Variants in GREB1 observed in about 807,000 individuals in gnomAD.
GREB1 encodes the protein growth regulating estrogen receptor binding 1, also known as protein GREB1.
A neutral mutation model predicts 200.7 loss-of-function variants in GREB1; 106 were observed. That is an observed-to-expected ratio of 0.53 (90% confidence interval 0.45 to 0.62). GREB1 has a LOEUF of 0.62. Ranked by LOEUF, GREB1 falls within the 20% of genes least tolerant of loss-of-function variation. The probability of loss-of-function intolerance (pLI) is 0.00; values close to 1 mark genes in which losing one functional copy is unlikely to be tolerated. For synonymous variants in GREB1, 1,132 were observed against 1,092.4 expected, an observed-to-expected ratio of 1.04 and a Z score of -0.72; for missense variants, 2,243 against 2,556.8, an observed-to-expected ratio of 0.88 and a Z score of 2.65.
At chr2:11,535,575 C>T (rs1047583741) in intron 1 of GREB1, among the ~76,000 whole-genome samples, 4 of 151,898 alleles carry the variant, frequency 2.6e-5, no homozygotes, top group African/African-American at 7.3e-5. Context: ...CACAGGATGA[C>T]ACTTAAAAAA....
upstream of GREB1, among the ~76,000 whole-genome samples, chr2:11,532,368 A>C (rs1051707750): frequency 3.3e-5 from 5 of 152,296 alleles, no homozygotes; most frequent in Middle Eastern, 0.017. Flanking sequence ...AATAAAGAAA[A>C]TCAAGTGTGA....
rs1241361663 is a variant in GREB1, at chr2:11,548,232, A to G, written c.-161-8222A>G. Among the ~76,000 whole-genome samples, 4 of 151,896 alleles carry G rather than the reference A, an allele frequency of 2.6e-5. No individual in the cohort carries two copies. The highest frequency in any genetic ancestry group is 5.9e-5 in the Non-Finnish European group (4 of 67,952). Reference sequence around the variant, plus strand: ...CATGCACACAGCCAGACATGTGCACACATGTGCACATACCCAAACATATGT... The same window carrying G: ...CATGCACACAGCCAGACATGTGCACGCATGTGCACATACCCAAACATATGT... On this transcript the variant is annotated intron_variant, in intron 1 of 32. Transcript: ENST00000381486. This position sits in a 1 kb window ranked among gnomAD's most constrained non-coding sequence, Gnocchi z 5.1.
rs1317558446 is a variant in GREB1, at chr2:11,611,031, G to T, written c.3006+4G>T. 3 of 1,568,580 alleles carry T rather than the reference G, an allele frequency of 1.9e-6. No homozygotes were observed. The highest frequency in any genetic ancestry group is 2.6e-6 in the Non-Finnish European group (3 of 1,156,410). On this transcript the variant is annotated splice_donor_region_variant and intron_variant, in intron 18 of 32. Coordinates refer to ENST00000381486, the MANE Select transcript of GREB1 (RefSeq NM_014668.4). Reference sequence around the variant, plus strand: ...GCACTTCGTAAAGCAGCTCAGGGTAGGTGCTGTGCGCAGGGAGGGGCGGAG... The same window carrying T: ...GCACTTCGTAAAGCAGCTCAGGGTATGTGCTGTGCGCAGGGAGGGGCGGAG...
At position 11,618,738 on chromosome 2, in the gene GREB1, C is replaced by T. The variant is rs781188231; in HGVS notation, c.3863C>T (p.Ser1288Leu). 1.9e-5 allele frequency: 31 copies of T among 1,613,270 alleles called. No individual in the cohort carries two copies. Among genetic ancestry groups the T allele is most frequent in the African/African-American group, 2.7e-5 (2 of 74,924 alleles). ...GCCGCCTCCCTCCTGCCCTCCCCCT[C>T]GGTCATGTGGGCCAGCTCTTTCCGC... ...PKAASLLPSP[S>L]VMWASSFRPL... The change falls in exon 22 of 33, where the codon TCG becomes TTG. Residue 1288 changes from serine to leucine, a missense_variant. Ser to Leu is a moderately radical substitution (Grantham distance 145). Around this residue, in one of 3 missense-constraint regions of GREB1, gnomAD observed 587 missense variants for 553.1 expected, o/e 1.06. Transcript: ENST00000381486.
chr2:11,631,311 C>A (rs1684855702), intron 26 of GREB1, among the ~76,000 whole-genome samples: 1 of 152,096 alleles, frequency 6.6e-6, no homozygotes, highest in Admixed American at 6.5e-5. Flanking sequence ...CTCTATGGGG[C>A]AGTGATTGGG....
At chr2:11,570,930 C>G (rs537175053) in intron 4 of GREB1, among the ~76,000 whole-genome samples, 93 of 152,260 alleles carry the variant, frequency 6.1e-4, no homozygotes, top group African/African-American at 2.1e-3. Context: ...TGCCCCACTT[C>G]CTGTCTCACC....
At chr2:11,483,988 C>T (rs1041513494) in intron 1 of GREB1, among the ~76,000 whole-genome samples, 2 of 152,156 alleles carry the variant, frequency 1.3e-5, no homozygotes, top group African/African-American at 2.4e-5. Flanking sequence ...TGAATAAACA[C>T]TCTTTTATTC....
At chr2:11,549,048 A>G (rs1675558322) in intron 1 of GREB1, among the ~76,000 whole-genome samples, 1 of 152,134 alleles carries the variant, frequency 6.6e-6, no homozygotes, top group Admixed American at 6.5e-5. Flanking sequence ...CCAGGGTTCT[A>G]AAATTTCATG....
At chr2:11,614,607 C>T (rs186230046) in intron 19 of GREB1, among the ~76,000 whole-genome samples, 9 of 151,498 alleles carry the variant, frequency 5.9e-5, no homozygotes, top group Admixed American at 1.3e-4. Context: ...TCTGTCGCCC[C>T]GGCTGGATTG....
intron 1 of GREB1, among the ~76,000 whole-genome samples, chr2:11,507,785 C>T (rs183883626): frequency 4.6e-5 from 7 of 152,246 alleles, no homozygotes; most frequent in South Asian, 2.1e-4. Flanking sequence ...TCTCTGGTCC[C>T]GACTCTACCA....
chr2:11,499,907 C>T (rs887758925), intron 1 of GREB1, among the ~76,000 whole-genome samples: 1 of 152,098 alleles, frequency 6.6e-6, no homozygotes, highest in African/African-American at 2.4e-5. Context: ...TATCCTTTTA[C>T]ATAATTTCTT....
chr2:11,578,393 G>A lies in GREB1; in HGVS notation c.734G>A (p.Gly245Glu), dbSNP rs527940948. ...TAAFPSEPVP[G>E]TNPSILMGAQ... ...GCCTTCCCCAGCGAGCCCGTTCCTG[G>A]GACGAACCCCAGCATCCTGATGGGA... is the stretch of plus-strand genomic sequence containing the variant. Residue 245 changes from glycine (G) to glutamate (E), a missense_variant, in exon 6 of 33, where the codon GGG (glycine) becomes GAG (glutamate). This residue lies in a region of GREB1 where 1,178 missense variants were observed against 1,387.4 expected (regional missense o/e 0.85). Coordinates refer to ENST00000381486, the MANE Select transcript of GREB1 (RefSeq NM_014668.4). 79 of 1,613,858 alleles carry A rather than the reference G, an allele frequency of 4.9e-5. No homozygotes were observed. In the Middle Eastern group the frequency reaches 8.2e-4, roughly 17 times the overall value.
At chr2:11,562,874 T>C (rs1677219077) in intron 3 of GREB1, 1 of 266,476 alleles carries the variant, frequency 3.8e-6, no homozygotes, top group Admixed American at 5.0e-5. Flanking sequence ...ACATTCATTT[T>C]TCTGTGTTGG....
intron 1 of GREB1, among the ~76,000 whole-genome samples, chr2:11,512,796 G>T (rs919718761): frequency 1.3e-5 from 2 of 152,242 alleles, no homozygotes; most frequent in Non-Finnish European, 2.9e-5. Flanking sequence ...ACCCTTGTGG[G>T]ATCTGAAGAA....
At chr2:11,526,332 T>A (rs1673875440) in intron 1 of GREB1, among the ~76,000 whole-genome samples, 2 of 152,324 alleles carry the variant, frequency 1.3e-5, no homozygotes, top group African/African-American at 4.8e-5. Context: ...ATTATGAGCT[T>A]TGGATTTCAG....
chr2:11,634,453 A>T (rs559461740), intron 29 of GREB1, 104 bp downstream of exon 29: 2 of 808,344 alleles, frequency 2.5e-6, no homozygotes, highest in Middle Eastern at 3.5e-4. Context: ...GTGAGCACTG[A>T]CCTGGCCTTG....
Position 11,595,294 on chromosome 2 carries a change from T to A in GREB1, c.1740T>A (p.Pro580=). ...ARILSESLLT[P]AEYQKEVNYE... is the part of the protein sequence containing the mutation. Reference sequence around the variant, plus strand: ...TTCTTTCCGAGAGCCTTCTCACTCCTGCGGAGTACCAGAAGGAAGTCAATT... The same window carrying A: ...TTCTTTCCGAGAGCCTTCTCACTCCAGCGGAGTACCAGAAGGAAGTCAATT... Residue 580 remains proline (P), a synonymous_variant, in exon 12 of 33, where the codon CCT becomes CCA. Coordinates refer to ENST00000381486, the MANE Select transcript of GREB1 (RefSeq NM_014668.4). 1 of 1,613,284 alleles carries A rather than the reference T, an allele frequency of 6.2e-7. No homozygotes were observed. Among genetic ancestry groups the A allele is most frequent in the South Asian group, 1.1e-5 (1 of 91,062 alleles).
chr2:11,624,695 G>A (rs1232250601), intron 23 of GREB1, among the ~76,000 whole-genome samples: 2 of 152,160 alleles, frequency 1.3e-5, no homozygotes, highest in Non-Finnish European at 2.9e-5. Flanking sequence ...AGTATTTAGT[G>A]CAATAACTTG....
At chr2:11,566,225 C>T (rs183227456) in intron 3 of GREB1, among the ~76,000 whole-genome samples, 1 of 152,116 alleles carries the variant, frequency 6.6e-6, no homozygotes, top group Non-Finnish European at 1.5e-5. Context: ...CTACATTGGC[C>T]AGGCTGGTCT....
Sources: gnomAD v4.1 joint callset for allele counts (sites outside exome capture counted in the v4.1 genomes callset) on GRCh38, gnomAD v4.1.1 for gene constraint, gnomAD v4.1.1 regional missense constraint, Gnocchi (gnomAD v3.1) non-coding constraint, MANE v1.5 for transcripts, NCBI Gene and HGNC (gene_info 2026-07-23, HGNC 2026-07-21) for gene names.